ZNF827: variants seen among roughly 807,000 people sequenced by gnomAD.
ZNF827 encodes the protein zinc finger protein 827.
ZNF827 carries 13 observed loss-of-function variants against 102.4 expected under a neutral mutation model. That is an observed-to-expected ratio of 0.13 (90% CI 0.08 to 0.20). The LOEUF is 0.20. Ranked by LOEUF, ZNF827 falls within the 10% of genes least tolerant of loss-of-function variation. The pLI, the probability that ZNF827 is intolerant of heterozygous loss-of-function variation, is 1.00. For missense variants in ZNF827, 1,103 were observed against 1,344.4 expected (o/e 0.82, Z 2.81); for synonymous variants, 523 against 536.2 (o/e 0.98, Z 0.34).
At chr4:145,914,739 G>A (rs1434530653) in intron 1 of ZNF827, among the ~76,000 whole-genome samples, 3 of 152,212 alleles carry the variant, frequency 2.0e-5, no homozygotes, top group Admixed American at 6.5e-5. Flanking sequence ...AAGTCCAGTG[G>A]TTTTATCCAT....
intron 5 of ZNF827, among the ~76,000 whole-genome samples, chr4:145,863,324 T>C (rs756889367): frequency 7.9e-5 from 12 of 152,240 alleles, no homozygotes; most frequent in Admixed American, 5.2e-4. Flanking sequence ...GCAGCTACTT[T>C]GGAAAACCAC....
chr4:145,792,445 T>G (rs777448436), intron 8 of ZNF827, among the ~76,000 whole-genome samples: 1 of 152,168 alleles, frequency 6.6e-6, no homozygotes, highest in Non-Finnish European at 1.5e-5. Context: ...TCTAAGCTAC[T>G]TCTGTTTGTC....
chr4:145,812,904 T>C (rs1360346859), intron 8 of ZNF827, among the ~76,000 whole-genome samples: 1 of 152,154 alleles, frequency 6.6e-6, no homozygotes, highest in Non-Finnish European at 1.5e-5. Context: ...TTTCTAAGAT[T>C]TCCATTACCC....
intron 8 of ZNF827, among the ~76,000 whole-genome samples, chr4:145,785,345 C>G (rs1393777823): frequency 6.6e-6 from 1 of 152,134 alleles, no homozygotes; most frequent in Non-Finnish European, 1.5e-5. Flanking sequence ...AGATGAAACC[C>G]ATCCAGCATG....
At chr4:145,797,305 T>C (rs1355485638) in intron 8 of ZNF827, among the ~76,000 whole-genome samples, 5 of 152,230 alleles carry the variant, frequency 3.3e-5, no homozygotes, top group African/African-American at 4.8e-5. Context: ...GCAAAGTAAG[T>C]TCAGATCTTG....
intron 6 of ZNF827, among the ~76,000 whole-genome samples, chr4:145,847,446 G>A (rs2126646012): frequency 6.6e-6 from 1 of 152,286 alleles, no homozygotes; most frequent in East Asian, 1.9e-4. Flanking sequence ...AGGCCCCTTT[G>A]TGAGAGGGGA....
Position 145,779,374 on chromosome 4 carries a change from C to T in ZNF827, c.2521G>A (p.Glu841Lys), listed in dbSNP as rs754838861. The T allele has an allele frequency of 1.2e-6, 2 of 1,613,924 alleles. No individual in the cohort carries two copies. The highest frequency in any genetic ancestry group is 1.1e-5 in the South Asian group (1 of 91,040). The change falls in exon 9 of 15, where the codon GAG becomes AAG. Residue 841 changes from glutamate (E) to lysine (K), a missense_variant and splice_region_variant. By Grantham distance (56) the Glu-to-Lys change is moderately conservative. Transcript: ENST00000508784. ...TLSRHLSLHTEERKYKCHLCP... is the reference protein window; with the variant it reads ...TLSRHLSLHTKERKYKCHLCP... ...GACAGCCCAGGCCCTACTCACTCAC[C>T]TGTGTGCAGCGAGAGGTGTCGGGAC...
At chr4:145,869,929 GA>G (rs1488259023) in intron 5 of ZNF827, among the ~76,000 whole-genome samples, 1 of 152,194 alleles carries the variant, frequency 6.6e-6, no homozygotes, top group African/African-American at 2.4e-5. Flanking sequence ...TCAATTAGCA[GA>G]AGACCTTTGA....
At chr4:145,875,102 G>A (rs1417920818) in intron 4 of ZNF827, among the ~76,000 whole-genome samples, 1 of 152,120 alleles carries the variant, frequency 6.6e-6, no homozygotes, top group Non-Finnish European at 1.5e-5. Context: ...ATATTTTCTA[G>A]TTATATAGTA....
In ZNF827 at chr4:145,843,428, T is replaced by C. The variant is rs1189624394; in HGVS notation, c.2279+2528A>G. Among the ~76,000 whole-genome samples the C allele has an allele frequency of 5.3e-5, 8 of 152,288 alleles. No individual in the cohort carries two copies. In the East Asian group the frequency reaches 1.2e-3, roughly 22 times the overall value. On this transcript the variant is annotated intron_variant, in intron 7 of 14. Transcript: ENST00000508784. ...TAAGGATTGCATCATTTTTGCCAAA[T>C]GGTTAAAAAAATTTTTTTTCTCTTC...
intron 7 of ZNF827, among the ~76,000 whole-genome samples, chr4:145,824,487 A>G (rs185448457): frequency 1.1e-4 from 16 of 152,294 alleles, no homozygotes; most frequent in Admixed American, 2.0e-4. Context: ...CAGAGATAGG[A>G]AGGGCAGGAA....
intron 8 of ZNF827, among the ~76,000 whole-genome samples, chr4:145,785,005 T>C (rs1379022134): frequency 6.6e-6 from 1 of 152,226 alleles, no homozygotes; most frequent in Non-Finnish European, 1.5e-5. Context: ...TTTTCTCTAC[T>C]TTTCCACCTA....
intron 1 of ZNF827, among the ~76,000 whole-genome samples, chr4:145,916,526 G>A (rs982917152): frequency 2.0e-5 from 3 of 152,102 alleles, no homozygotes; most frequent in Non-Finnish European, 4.4e-5. Context: ...GGGGAGCACT[G>A]GTGATTTCCA....
At chr4:145,768,009 A>G (rs1422950191) in intron 11 of ZNF827, among the ~76,000 whole-genome samples, 2 of 152,232 alleles carry the variant, frequency 1.3e-5, no homozygotes, top group African/African-American at 4.8e-5. Context: ...TTAAACAAAA[A>G]TAACTGTTTT....
At chr4:145,768,890 A>AAAAAAAAAAT (rs1553975847) in intron 11 of ZNF827, among the ~76,000 whole-genome samples, 1 of 7,724 alleles carries the variant, frequency 1.3e-4, no homozygotes, top group Non-Finnish European at 3.2e-4. Flanking sequence ...AAAAAAAAAA[A>AAAAAAAAAAT]ATATATATAT....
At chr4:145,769,186 G>C (rs994383307) in intron 11 of ZNF827, among the ~76,000 whole-genome samples, 11 of 151,974 alleles carry the variant, frequency 7.2e-5, no homozygotes, top group Middle Eastern at 3.4e-3. Context: ...TATTAGAACT[G>C]CAAGTATGTG....
At chr4:145,894,427 CTT>C (rs757553368) in intron 2 of ZNF827, among the ~76,000 whole-genome samples, 9 of 152,120 alleles carry the variant, frequency 5.9e-5, no homozygotes, top group Non-Finnish European at 8.8e-5. Flanking sequence ...ACACATTACT[CTT>C]TTAATTTTAA....
chr4:145,769,432 C>G (rs1436268235), intron 11 of ZNF827, among the ~76,000 whole-genome samples: 1 of 152,192 alleles, frequency 6.6e-6, no homozygotes, highest in Non-Finnish European at 1.5e-5. Flanking sequence ...CTTTTAAATT[C>G]ATTTTTAGAA....
At chr4:145,831,271 T>G (rs1053760171) in intron 7 of ZNF827, 1 of 152,176 alleles carries the variant, frequency 6.6e-6, no homozygotes, top group African/African-American at 2.4e-5. Context: ...ACAAGGGACA[T>G]AACAGGGACC....
Sources: gnomAD v4.1 joint callset for allele counts (sites outside exome capture counted in the v4.1 genomes callset) on GRCh38, gnomAD v4.1.1 for gene constraint, MANE v1.5 for transcripts, NCBI Gene and HGNC (gene_info 2026-07-23, HGNC 2026-07-21) for gene names.